CRB1: variants seen among roughly 807,000 people sequenced by gnomAD.
CRB1 encodes crumbs cell polarity complex component 1, also known as protein crumbs homolog 1.
Under a neutral mutation model 120.0 loss-of-function variants are expected in CRB1, and 83 were observed. The observed-to-expected ratio is 0.69, with a 90% CI of 0.58 to 0.83. The LOEUF is 0.83. CRB1 is among the 40% of genes least tolerant of loss of function. The pLI is 0.00. For missense variants in CRB1, 1,699 were observed against 1,687.6 expected, an observed-to-expected ratio of 1.01 and a Z score of -0.12; for synonymous variants, 625 against 612.5, an observed-to-expected ratio of 1.02 and a Z score of -0.30.
At chr1:197,254,393 T>C in the CRB1 span, among the ~76,000 whole-genome samples, 4 of 152,132 alleles carry the variant, frequency 2.6e-5, no homozygotes, top group Non-Finnish European at 4.4e-5. Context: ...AAAGTGTTTT[T>C]GAAATTAATG....
chr1:197,214,368 A>G, the CRB1 span, among the ~76,000 whole-genome samples: 6 of 152,270 alleles, frequency 3.9e-5, no homozygotes, highest in Admixed American at 3.9e-4. Context: ...GAAACCAAAC[A>G]TGAATGAAAA....
intron 1 of CRB1, among the ~76,000 whole-genome samples, chr1:197,294,808 A>C (rs1032244261): frequency 1.6e-4 from 24 of 152,128 alleles, no homozygotes; most frequent in Non-Finnish European, 3.5e-4. Context: ...TCGCAAGGAC[A>C]AAAAACCAAA....
intron 11 of CRB1, among the ~76,000 whole-genome samples, chr1:197,476,549 T>A (rs940518363): frequency 1.3e-5 from 2 of 152,094 alleles, no homozygotes; most frequent in Admixed American, 1.3e-4. Context: ...TGAACCACAT[T>A]TGAGCAAGGA....
intron 1 of CRB1, among the ~76,000 whole-genome samples, chr1:197,303,080 A>G (rs1656962733): frequency 6.6e-6 from 1 of 152,026 alleles, no homozygotes; most frequent in Non-Finnish European, 1.5e-5. Flanking sequence ...AATAAGACCC[A>G]GGCTCAAATT....
At chr1:197,244,506 A>G in the CRB1 span, among the ~76,000 whole-genome samples, 30 of 151,942 alleles carry the variant, frequency 2.0e-4, no homozygotes, top group African/African-American at 6.8e-4. Flanking sequence ...CACCTCCACA[A>G]TTTCTGATGA....
the CRB1 span, among the ~76,000 whole-genome samples, chr1:197,216,154 T>C: frequency 6.6e-6 from 1 of 152,194 alleles, no homozygotes; most frequent in Non-Finnish European, 1.5e-5. Context: ...ACCCCCATTT[T>C]GGTATAGTCC....
chr1:197,416,204 C>T (rs997935867), intron 5 of CRB1, among the ~76,000 whole-genome samples: 6 of 151,978 alleles, frequency 3.9e-5, no homozygotes, highest in South Asian at 2.1e-4. Flanking sequence ...GGGACTAGTT[C>T]GAACTTCATG....
the CRB1 span, among the ~76,000 whole-genome samples, chr1:197,224,510 G>C: frequency 6.6e-6 from 1 of 152,074 alleles, no homozygotes; most frequent in African/African-American, 2.4e-5. Context: ...AGAATGCTGA[G>C]CAGATTTCAT....
At chr1:197,339,195 C>G (rs553789975) in intron 2 of CRB1, among the ~76,000 whole-genome samples, 1 of 152,226 alleles carries the variant, frequency 6.6e-6, no homozygotes, top group Non-Finnish European at 1.5e-5. Context: ...CTTACAACAT[C>G]TTGCTAAACA....
chr1:197,332,997 C>G (rs1273201372), intron 2 of CRB1, among the ~76,000 whole-genome samples: 1 of 152,192 alleles, frequency 6.6e-6, no homozygotes, highest in Non-Finnish European at 1.5e-5. Flanking sequence ...TCTGCCTCAA[C>G]TTAGACCTCC....
At chr1:197,316,279 G>C (rs554554101) in intron 1 of CRB1, among the ~76,000 whole-genome samples, 263 of 152,184 alleles carry the variant, frequency 1.7e-3, no homozygotes, top group African/African-American at 6.2e-3. Context: ...CCGCCTCCCG[G>C]GTTCACACCA....
intron 4 of CRB1, among the ~76,000 whole-genome samples, chr1:197,347,708 T>C (rs1296131524): frequency 6.6e-6 from 1 of 152,138 alleles, no homozygotes; most frequent in Non-Finnish European, 1.5e-5. Context: ...TCTAGAGGAA[T>C]AGAAGGGAAA....
At chr1:197,408,783 A>G (rs1032936634) in intron 5 of CRB1, among the ~76,000 whole-genome samples, 1 of 152,240 alleles carries the variant, frequency 6.6e-6, no homozygotes, top group African/African-American at 2.4e-5. Context: ...AAAGCCAATT[A>G]GGATAGTTCT....
At chr1:197,229,512 A>G in the CRB1 span, among the ~76,000 whole-genome samples, 9 of 152,126 alleles carry the variant, frequency 5.9e-5, no homozygotes, top group African/African-American at 1.7e-4. Context: ...CCATGGGCAT[A>G]TTGCGTGACA....
intron 11 of CRB1, among the ~76,000 whole-genome samples, chr1:197,473,814 A>G (rs1434091070): frequency 6.6e-6 from 1 of 151,714 alleles, no homozygotes; most frequent in African/African-American, 2.4e-5. Flanking sequence ...GATCCATCCT[A>G]GTGCCGTATA....
rs566821375 is a variant in CRB1 at position 197,459,261 on chromosome 1, A to G, written c.4005+16969A>G. Among the ~76,000 whole-genome samples the G allele has an allele frequency of 2.6e-5, 4 of 152,272 alleles. No homozygotes were observed. The East Asian group carries it at 5.8e-4, about 22-fold the overall frequency. On this transcript the variant is annotated intron_variant, in intron 11 of 11. Transcript: ENST00000367400. Reference sequence around the variant, plus strand: ...TAATTCTGTGATTTAGGTATATGCCATGTTTTCTTCTCAAATGTTTCCTAC... The same window carrying G: ...TAATTCTGTGATTTAGGTATATGCCGTGTTTTCTTCTCAAATGTTTCCTAC...
At chr1:197,295,015 C>G (rs951553925) in intron 1 of CRB1, among the ~76,000 whole-genome samples, 6 of 152,116 alleles carry the variant, frequency 3.9e-5, no homozygotes, top group African/African-American at 1.4e-4. Context: ...TGTAGCAAAC[C>G]TGCACGTTGT....
At chr1:197,207,172 T>C in the CRB1 span, among the ~76,000 whole-genome samples, 5 of 152,150 alleles carry the variant, frequency 3.3e-5, no homozygotes, top group Admixed American at 6.5e-5. Context: ...CATTCTGCCA[T>C]TCTGTATCTT....
At chr1:197,395,053 T>C (rs529999046) in intron 5 of CRB1, among the ~76,000 whole-genome samples, 2 of 152,106 alleles carry the variant, frequency 1.3e-5, no homozygotes, top group Non-Finnish European at 2.9e-5. Flanking sequence ...TACCACCTTC[T>C]AGAGAGGAGG....
Sources: allele counts gnomAD v4.1 joint callset (sites outside exome capture counted in the v4.1 genomes callset), GRCh38; gene constraint gnomAD v4.1.1; transcripts MANE v1.5; gene names NCBI Gene and HGNC (gene_info 2026-07-23, HGNC 2026-07-21).